The following STK32B variants were observed in gnomAD, a reference collection of about 807,000 sequenced individuals.
STK32B encodes serine/threonine-protein kinase 32B.
STK32B carries 43 observed loss-of-function variants against 52.6 expected under a neutral mutation model. The observed-to-expected ratio is 0.82, with a 90% CI of 0.64 to 1.05. The LOEUF (loss-of-function observed/expected upper bound fraction) is 1.05. Ranked by LOEUF, STK32B falls within the 50% of genes least tolerant of loss-of-function variation. The pLI is 0.00. For missense variants in STK32B, 621 were observed against 534.6 expected (o/e 1.16, Z -1.59); for synonymous variants, 238 against 204.3 (o/e 1.17, Z -1.41).
intron 7 of STK32B, among the ~76,000 whole-genome samples, chr4:5,452,387 A>G (rs1430708411): frequency 3.3e-5 from 5 of 152,114 alleles, no homozygotes; most frequent in Admixed American, 3.3e-4. Context: ...GGACCAGGTA[A>G]CCTCACCAAG....
chr4:5,457,849 G>T (rs899650994), intron 8 of STK32B, among the ~76,000 whole-genome samples: 1 of 145,406 alleles, frequency 6.9e-6, no homozygotes, highest in African/African-American at 2.5e-5. Flanking sequence ...TCCAGCCTGG[G>T]CAACAAGAGC....
chr4:5,386,405 T>C lies in STK32B; in HGVS notation c.435-11802T>C, dbSNP rs1736260526. 6.6e-6 allele frequency among the ~76,000 whole-genome samples: 1 copy of C among 151,844 alleles called. No individual in the cohort carries two copies. Among genetic ancestry groups the C allele is most frequent in the African/African-American group, 2.4e-5 (1 of 41,336 alleles). On this transcript the variant is annotated intron_variant, in intron 4 of 11. Transcript: ENST00000282908. The surrounding 1 kb of genome is among the most constrained non-coding windows in gnomAD (Gnocchi z 4.5). ...CCAGAGGGAGGGGGAGTGGGAACCA[T>C]GGTAGAAGCAGGAAAAGGTAATTCT...
intron 5 of STK32B, among the ~76,000 whole-genome samples, chr4:5,412,317 C>G (rs1711762527): frequency 6.6e-6 from 1 of 152,202 alleles, no homozygotes; most frequent in South Asian, 2.1e-4. Context: ...CATAGGAAAT[C>G]TTGTTGGGCA....
intron 1 of STK32B, among the ~76,000 whole-genome samples, chr4:5,122,389 C>T (rs896523108): frequency 1.3e-5 from 2 of 150,728 alleles, no homozygotes; most frequent in Admixed American, 1.3e-4. Flanking sequence ...CATTCACTCA[C>T]TCATTCATTC....
At chr4:5,116,282 G>A (rs930769538) in intron 1 of STK32B, among the ~76,000 whole-genome samples, 1 of 152,112 alleles carries the variant, frequency 6.6e-6, no homozygotes, top group African/African-American at 2.4e-5. Flanking sequence ...CACAGGCTCT[G>A]TACTTAGAAG....
intron 4 of STK32B, among the ~76,000 whole-genome samples, chr4:5,382,753 C>T (rs553301681): frequency 1.3e-5 from 2 of 152,204 alleles, no homozygotes; most frequent in African/African-American, 4.8e-5. Flanking sequence ...TAAGCTTTCA[C>T]CATATGCCAA....
At chr4:5,300,814 A>G (rs1007134140) in intron 3 of STK32B, among the ~76,000 whole-genome samples, 2 of 152,120 alleles carry the variant, frequency 1.3e-5, no homozygotes, top group African/African-American at 4.8e-5. Flanking sequence ...GAAAAACATT[A>G]CATGCTCATG....
At chr4:5,438,426 G>A (rs1416607268) in intron 6 of STK32B, among the ~76,000 whole-genome samples, 1 of 152,152 alleles carries the variant, frequency 6.6e-6, no homozygotes, top group African/African-American at 2.4e-5. Flanking sequence ...GGAAGAGGCA[G>A]ACAAAAAGAT....
At chr4:5,290,345 AAAC>A (rs1377645150) in intron 3 of STK32B, among the ~76,000 whole-genome samples, 4 of 152,210 alleles carry the variant, frequency 2.6e-5, no homozygotes, top group African/African-American at 9.6e-5. Flanking sequence ...TTTTACAGCT[AAAC>A]AAAAATGTTT....
intron 3 of STK32B, among the ~76,000 whole-genome samples, chr4:5,203,092 C>G (rs1722282484): frequency 1.3e-5 from 2 of 152,188 alleles, no homozygotes; most frequent in African/African-American, 2.4e-5. Context: ...ACCAACCTCT[C>G]TGGCTTCAAT....
chr4:5,319,988 GA>G (rs1731380828), intron 3 of STK32B, among the ~76,000 whole-genome samples: 1 of 152,162 alleles, frequency 6.6e-6, no homozygotes, highest in Non-Finnish European at 1.5e-5. Context: ...AGCTGCAAGG[GA>G]GTCTGTGAAA....
chr4:5,140,729 TAAG>T (rs916529500), intron 2 of STK32B, among the ~76,000 whole-genome samples: 5 of 152,134 alleles, frequency 3.3e-5, no homozygotes, highest in Admixed American at 1.3e-4. Context: ...GCATGTGACT[TAAG>T]AAGTTGGATA....
In STK32B at chr4:5,418,090, G is replaced by A. The variant is rs116457434; in HGVS notation, c.562+1156G>A. On this transcript the variant is annotated intron_variant, in intron 6 of 11. Transcript: ENST00000282908. ...GTCACATAGCCAACCACGTGGAAGG[G>A]AACTGCATGGAGCATGGCTATCAGA... Among the ~76,000 whole-genome samples, 898 of 152,334 alleles carry A rather than the reference G, an allele frequency of 5.9e-3. 5 individuals carry two copies. Among genetic ancestry groups the A allele is most frequent in the African/African-American group, 0.02 (844 of 41,588 alleles).
chr4:5,389,364 C>T (rs767951997), intron 4 of STK32B, among the ~76,000 whole-genome samples: 39 of 152,296 alleles, frequency 2.6e-4, no homozygotes, highest in Non-Finnish European at 4.0e-4. Flanking sequence ...AATCATCTTA[C>T]GGTTCTGAAA....
At position 5,352,425 on chromosome 4, in the gene STK32B, G is replaced by A. The variant is rs116573738; in HGVS notation, c.434+21032G>A. Among the ~76,000 whole-genome samples the A allele has an allele frequency of 7.1e-3, 1,079 of 151,890 alleles. 10 individuals carry two copies. Among genetic ancestry groups the A allele is most frequent in the African/African-American group, 0.024 (989 of 41,428 alleles). On this transcript the variant is annotated intron_variant, in intron 4 of 11. Transcript: ENST00000282908. ...CATGATAAAATCTCTCAATAGACTAGGCATAGAAGAAACATCCCTCAACAA... is the reference window on the plus strand; with the variant it reads ...CATGATAAAATCTCTCAATAGACTAAGCATAGAAGAAACATCCCTCAACAA...
At position 5,399,107 on chromosome 4, in the gene STK32B, A is replaced by G. The variant is rs576266677; in HGVS notation, c.472+863A>G. On this transcript the variant is annotated intron_variant, in intron 5 of 11. Transcript: ENST00000282908. The surrounding 1 kb of genome is among the most constrained non-coding windows in gnomAD (Gnocchi z 5.4). ...GAATGCTCAGTGGACTTGACAATCA[A>G]TTGTGGCTGATGCCAACAGGAGACT... is the stretch of plus-strand genomic sequence containing the variant. Among the ~76,000 whole-genome samples, 11 of 152,342 alleles carry G rather than the reference A, an allele frequency of 7.2e-5. No individual in the cohort carries two copies. The highest frequency in any genetic ancestry group is 1.2e-4 in the Non-Finnish European group (8 of 68,020).
intron 3 of STK32B, among the ~76,000 whole-genome samples, chr4:5,234,905 C>T (rs915650134): frequency 6.6e-6 from 1 of 152,222 alleles, no homozygotes; most frequent in Non-Finnish European, 1.5e-5. Flanking sequence ...TTTCAGCCCA[C>T]AGGTTGAATC....
At chr4:5,242,325 C>T (rs2108818978) in intron 3 of STK32B, among the ~76,000 whole-genome samples, 1 of 152,302 alleles carries the variant, frequency 6.6e-6, no homozygotes, top group South Asian at 2.1e-4. Flanking sequence ...TTCTGATGGC[C>T]AGTGATGATG....
chr4:5,475,207 G>A (rs61489067), intron 11 of STK32B, among the ~76,000 whole-genome samples: 3,912 of 152,046 alleles, frequency 0.026, 68 homozygotes, highest in African/African-American at 0.047. Context: ...GAATCACGAG[G>A]TCAGGAGTTC....
Sources: gnomAD v4.1 joint callset for allele counts (sites outside exome capture counted in the v4.1 genomes callset) on GRCh38, gnomAD v4.1.1 for gene constraint, Gnocchi (gnomAD v3.1) non-coding constraint, MANE v1.5 for transcripts, NCBI Gene and HGNC (gene_info 2026-07-23, HGNC 2026-07-21) for gene names.